NCOR1: variants seen among roughly 807,000 people sequenced by gnomAD.
NCOR1 encodes protein phosphatase 1, regulatory subunit 109.
NCOR1 carries 63 observed loss-of-function variants against 288.1 expected under a neutral mutation model. The ratio of observed to expected loss-of-function variants is 0.22; its 90% CI spans 0.18 to 0.27. NCOR1 has a LOEUF of 0.27. Among genes scored for constraint, NCOR1 ranks in the 10% least tolerant of loss-of-function variants. The pLI, the probability that NCOR1 is intolerant of heterozygous loss-of-function variation, is 1.00. For missense variants in NCOR1, 2,397 were observed against 3,019.2 expected (o/e 0.79, Z 4.83); for synonymous variants, 1,007 against 1,065.9 (o/e 0.94, Z 1.08).
intron 15 of NCOR1, among the ~76,000 whole-genome samples, chr17:16,124,762 T>G (rs1008453156): frequency 2.0e-5 from 3 of 152,134 alleles, no homozygotes; most frequent in Non-Finnish European, 2.9e-5. Context: ...AACCCAAAAC[T>G]CCATTTTATA....
At chr17:16,079,851 G>T in intron 26 of NCOR1, 113 bp downstream of exon 26, 1 of 803,234 alleles carries the variant, frequency 1.2e-6, no homozygotes. Context: ...ATGAGACCCA[G>T]TCCCATAATG....
chr17:16,158,221 G>GC (rs1390949305), intron 6 of NCOR1, among the ~76,000 whole-genome samples: 1 of 152,082 alleles, frequency 6.6e-6, no homozygotes, highest in Non-Finnish European at 1.5e-5. Context: ...TGATCTACCC[G>GC]CCTCGGCCTC....
chr17:16,075,837 G>T, intron 26 of NCOR1, 135 bp from the exon 27 acceptor site: 1 of 901,312 alleles, frequency 1.1e-6, no homozygotes, highest in Non-Finnish European at 1.6e-6. Context: ...ATACATGAAA[G>T]GAAATTAGAC....
At chr17:16,170,821 A>G (rs2083007718) in intron 4 of NCOR1, among the ~76,000 whole-genome samples, 2 of 151,138 alleles carry the variant, frequency 1.3e-5, no homozygotes, top group South Asian at 4.2e-4. Context: ...AGCCTGGGGT[A>G]CAGAGCGAGA....
At chr17:16,140,337 T>C (rs1989856) in intron 11 of NCOR1, among the ~76,000 whole-genome samples, 64,976 of 152,100 alleles carry the variant, frequency 0.43, 15,498 homozygotes, top group Middle Eastern at 0.56. Flanking sequence ...TAAGTGGTTA[T>C]GTTTTAAAGC....
chr17:16,136,819 A>AAAC (rs2076494192), intron 14 of NCOR1, among the ~76,000 whole-genome samples: 1 of 137,260 alleles, frequency 7.3e-6, no homozygotes, highest in African/African-American at 2.5e-5. Context: ...AAAAAAAAAA[A>AAAC]AAAAAAAAAG....
rs555711111 is a variant in NCOR1 at position 16,096,088 on chromosome 17, T to C, written c.2820+2279A>G. Among the ~76,000 whole-genome samples the C allele has an allele frequency of 7.9e-5, 12 of 152,184 alleles. No homozygotes were observed. The East Asian group carries it at 1.5e-3, about 20-fold the overall frequency. On this transcript the variant is annotated intron_variant, in intron 21 of 45. Transcript: ENST00000268712. ...CACTCAGGGTTAAATGGATTAAGGG[T>C]GGTGCAAGATGTGCTTTGTTAAACA...
At chr17:16,044,991 G>GA (rs1208955410) in intron 42 of NCOR1, 1 of 376,176 alleles carries the variant, frequency 2.7e-6, no homozygotes, top group Non-Finnish European at 4.9e-6. Context: ...ATACAAAGCT[G>GA]AACTTAAGAA....
intron 1 of NCOR1, 114 bp downstream of exon 1, chr17:16,215,248 A>G: frequency 2.6e-6 from 1 of 383,540 alleles, no homozygotes; most frequent in Non-Finnish European, 4.6e-6. Flanking sequence ...GGCCTGCGAC[A>G]CCCCCCGCCC....
intron 14 of NCOR1, among the ~76,000 whole-genome samples, chr17:16,127,359 A>G (rs571679348): frequency 7.1e-6 from 1 of 140,636 alleles, no homozygotes; most frequent in African/African-American, 2.7e-5. Flanking sequence ...ATATGTATGT[A>G]TATATACATG....
At chr17:16,120,273 T>C (rs11658564) in intron 16 of NCOR1, among the ~76,000 whole-genome samples, 80,674 of 151,846 alleles carry the variant, frequency 0.53, 21,840 homozygotes, top group Middle Eastern at 0.62. Flanking sequence ...ACAATTGCTA[T>C]CAGTTAACTT....
chr17:16,134,385 G>A (rs2076089775), intron 14 of NCOR1, among the ~76,000 whole-genome samples: 2 of 152,234 alleles, frequency 1.3e-5, no homozygotes, highest in African/African-American at 4.8e-5. Flanking sequence ...AATGAGGGCA[G>A]AGCTAGCCTA....
chr17:16,092,691 A>T (rs1313189917), intron 21 of NCOR1, among the ~76,000 whole-genome samples: 1,172 of 10,834 alleles, frequency 0.11, 129 homozygotes, highest in South Asian at 0.23. Context: ...ATATATATAT[A>T]TATATTTTTT....
At chr17:16,049,685 T>G (rs1469690343) in intron 40 of NCOR1, among the ~76,000 whole-genome samples, 7 of 151,800 alleles carry the variant, frequency 4.6e-5, no homozygotes, top group Admixed American at 1.3e-4. Context: ...GTTCAAGCAA[T>G]TCTCCTGCCT....
intron 1 of NCOR1, among the ~76,000 whole-genome samples, chr17:16,211,044 C>T (rs2153620979): frequency 6.6e-6 from 1 of 151,970 alleles, no homozygotes; most frequent in African/African-American, 2.4e-5. Flanking sequence ...TTTTAAGTGT[C>T]AATCATCAAA....
intron 18 of NCOR1, among the ~76,000 whole-genome samples, chr17:16,117,558 C>A (rs1352250055): frequency 6.7e-6 from 1 of 149,842 alleles, no homozygotes; most frequent in African/African-American, 2.5e-5. Flanking sequence ...TGCAGTGGCT[C>A]ACACCTGTAA....
chr17:16,127,229 A>G (rs977193648), intron 14 of NCOR1, among the ~76,000 whole-genome samples: 11 of 137,080 alleles, frequency 8.0e-5, no homozygotes, highest in South Asian at 2.2e-4. Flanking sequence ...GTATATATAC[A>G]TGTATGCATA....
At chr17:16,070,598 GC>G in intron 30 of NCOR1, 73 bp from the exon 31 acceptor site, 2 of 1,547,026 alleles carry the variant, frequency 1.3e-6, no homozygotes, top group Non-Finnish European at 8.7e-7. Context: ...TCTATGTCTG[GC>G]CCATGGCAGT....
intron 19 of NCOR1, among the ~76,000 whole-genome samples, chr17:16,107,490 A>C (rs543888097): frequency 1.1e-3 from 174 of 152,302 alleles, no homozygotes; most frequent in African/African-American, 3.8e-3. Flanking sequence ...CCTCATCAGA[A>C]AGCAACTGTG....
Sources: allele counts gnomAD v4.1 joint callset (sites outside exome capture counted in the v4.1 genomes callset), GRCh38; gene constraint gnomAD v4.1.1; transcripts MANE v1.5; gene names NCBI Gene and HGNC (gene_info 2026-07-23, HGNC 2026-07-21).